The following CNTN5 variants were observed in gnomAD, a reference collection of about 807,000 sequenced individuals.
CNTN5 encodes contactin 5, also known as contactin-5.
CNTN5 carries 77 observed loss-of-function variants against 129.1 expected under a neutral mutation model. The ratio of observed to expected loss-of-function variants is 0.60; its 90% CI spans 0.50 to 0.72. The LOEUF (loss-of-function observed/expected upper bound fraction) is 0.72. Ranked by LOEUF, CNTN5 falls within the 30% of genes least tolerant of loss-of-function variation. The probability of loss-of-function intolerance (pLI) is 0.00; values close to 1 mark genes in which losing one functional copy is unlikely to be tolerated. For synonymous variants in CNTN5, 509 were observed against 465.6 expected, an observed-to-expected ratio of 1.09 and a Z score of -1.20; for missense variants, 1,478 against 1,328.8, an observed-to-expected ratio of 1.11 and a Z score of -1.75.
intron 1 of CNTN5, among the ~76,000 whole-genome samples, chr11:99,303,359 A>G (rs1366915519): frequency 6.6e-6 from 1 of 151,812 alleles, no homozygotes; most frequent in Non-Finnish European, 1.5e-5. Flanking sequence ...AAAATACTAA[A>G]CTTAGAACAC....
intron 9 of CNTN5, among the ~76,000 whole-genome samples, chr11:100,050,188 T>C (rs868659914): frequency 0.014 from 2,117 of 152,128 alleles, 61 homozygotes; most frequent in African/African-American, 0.049. Context: ...ATGTTTATTG[T>C]GGCACTATTC....
chr11:100,219,537 C>T (rs1015613668), intron 15 of CNTN5, among the ~76,000 whole-genome samples: 2 of 152,142 alleles, frequency 1.3e-5, no homozygotes, highest in African/African-American at 4.8e-5. Context: ...AAAGAACTTC[C>T]CATTTACCTT....
At chr11:100,048,080 G>T in intron 9 of CNTN5, among the ~76,000 whole-genome samples, 1 of 152,076 alleles carries the variant, frequency 6.6e-6, no homozygotes, top group East Asian at 1.9e-4. Flanking sequence ...GCAGTGAGTC[G>T]AGATCGCGCC....
At chr11:100,267,280 C>CACACACACACACAGAG (rs371454644) in intron 17 of CNTN5, among the ~76,000 whole-genome samples, 2 of 148,478 alleles carry the variant, frequency 1.3e-5, no homozygotes, top group South Asian at 2.2e-4. Context: ...CACACACACA[C>CACACACACACACAGAG]AGAGAGAGAG....
intron 3 of CNTN5, among the ~76,000 whole-genome samples, chr11:99,562,010 AAC>A (rs1423702190): frequency 1.3e-5 from 2 of 152,138 alleles, no homozygotes; most frequent in Non-Finnish European, 2.9e-5. Context: ...TATTTTGAAA[AAC>A]TGCAGACACA....
chr11:99,992,357 T>C (rs975508351), intron 8 of CNTN5, among the ~76,000 whole-genome samples: 3 of 152,202 alleles, frequency 2.0e-5, no homozygotes, highest in African/African-American at 7.2e-5. Flanking sequence ...ACAGGTTGAA[T>C]ATAATTTGCC....
intron 3 of CNTN5, among the ~76,000 whole-genome samples, chr11:99,586,210 C>A (rs1949787931): frequency 6.6e-6 from 1 of 152,128 alleles, no homozygotes; most frequent in Non-Finnish European, 1.5e-5. Context: ...CCACTTCAAT[C>A]CAGTCTTAGC....
At chr11:99,217,463 C>G (rs991966340) in intron 1 of CNTN5, among the ~76,000 whole-genome samples, 7 of 152,140 alleles carry the variant, frequency 4.6e-5, no homozygotes, top group Admixed American at 4.6e-4. Flanking sequence ...AAAGAGGAAT[C>G]CTTGTACACT....
In CNTN5 at chr11:99,972,120, G is replaced by A. The variant is rs1051463629; in HGVS notation, c.877+15111G>A. On this transcript the variant is annotated intron_variant, in intron 8 of 24. Coordinates refer to ENST00000524871, the MANE Select transcript of CNTN5 (RefSeq NM_014361.4). ...AAAAAAAAAAAAAAAAATTAGCCGG[G>A]CGTGGTGGCGGGTGCCTGTAGTCCC... Among the ~76,000 whole-genome samples the A allele has an allele frequency of 2.9e-4, 42 of 146,894 alleles. 1 individual carries two copies. In the Admixed American group the frequency reaches 2.9e-3, roughly 10 times the overall value.
In CNTN5 at chr11:99,300,847, G is replaced by T. The variant is rs1419972316; in HGVS notation, c.-209-24499G>T. 3.3e-5 allele frequency among the ~76,000 whole-genome samples: 5 copies of T among 152,044 alleles called. No homozygotes were observed. The East Asian group carries it at 7.7e-4, about 23-fold the overall frequency. Reference sequence around the variant, plus strand: ...AGATCATAAAAGACAGTGTAAACTTGTAAAACATGATGCTTTCATCTTCCT... The same window carrying T: ...AGATCATAAAAGACAGTGTAAACTTTTAAAACATGATGCTTTCATCTTCCT... On this transcript the variant is annotated intron_variant, in intron 1 of 24. Transcript: ENST00000524871.
At chr11:99,173,484 T>C (rs1857627573) in intron 1 of CNTN5, among the ~76,000 whole-genome samples, 2 of 152,246 alleles carry the variant, frequency 1.3e-5, no homozygotes, top group Non-Finnish European at 2.9e-5. Context: ...TGGTCAGATT[T>C]TATTGTTAGA....
At chr11:100,271,639 C>G (rs887926650) in intron 18 of CNTN5, among the ~76,000 whole-genome samples, 1 of 152,108 alleles carries the variant, frequency 6.6e-6, no homozygotes, top group Middle Eastern at 3.2e-3. Flanking sequence ...TTCCTTAGAA[C>G]TCTTTTATGT....
At chr11:99,690,575 T>A (rs371572089) in intron 3 of CNTN5, among the ~76,000 whole-genome samples, 176 of 152,240 alleles carry the variant, frequency 1.2e-3, no homozygotes, top group African/African-American at 3.7e-3. Flanking sequence ...TCGGCCATTT[T>A]AAAAAAACTG....
chr11:99,201,232 G>A (rs1859166759), intron 1 of CNTN5, among the ~76,000 whole-genome samples: 1 of 151,198 alleles, frequency 6.6e-6, no homozygotes, highest in African/African-American at 2.4e-5. Flanking sequence ...CACCATATTG[G>A]CCAGGCTGGT....
At chr11:99,382,015 T>G (rs1252742365) in intron 2 of CNTN5, among the ~76,000 whole-genome samples, 1 of 151,870 alleles carries the variant, frequency 6.6e-6, no homozygotes, top group African/African-American at 2.4e-5. Flanking sequence ...CACAAAAAAC[T>G]GCAAGCTCTT....
chr11:99,897,070 C>T (rs556495933), intron 6 of CNTN5, among the ~76,000 whole-genome samples: 22 of 151,926 alleles, frequency 1.4e-4, no homozygotes, highest in Non-Finnish European at 2.4e-4. Context: ...AACTTCAATG[C>T]GTAAAAACTG....
intron 1 of CNTN5, among the ~76,000 whole-genome samples, chr11:99,084,214 C>G (rs548194437): frequency 6.6e-6 from 1 of 152,320 alleles, no homozygotes; most frequent in African/African-American, 2.4e-5. Flanking sequence ...GTAGAACAGT[C>G]TCCCCAACTC....
At chr11:99,257,157 C>A (rs559572339) in intron 1 of CNTN5, among the ~76,000 whole-genome samples, 1 of 152,212 alleles carries the variant, frequency 6.6e-6, no homozygotes, top group East Asian at 1.9e-4. Flanking sequence ...GAGAATTCAA[C>A]AAATTTATTT....
intron 2 of CNTN5, among the ~76,000 whole-genome samples, chr11:99,540,365 T>C (rs761051113): frequency 1.4e-4 from 21 of 152,214 alleles, no homozygotes; most frequent in Non-Finnish European, 2.8e-4. Flanking sequence ...AATGTGATCA[T>C]TTATTGAGTA....
Sources: allele counts gnomAD v4.1 joint callset (sites outside exome capture counted in the v4.1 genomes callset), GRCh38; gene constraint gnomAD v4.1.1; transcripts MANE v1.5; gene names NCBI Gene and HGNC (gene_info 2026-07-23, HGNC 2026-07-21).